The following ACBD6 variants were observed in gnomAD, a reference collection of about 807,000 sequenced individuals.
ACBD6 encodes the protein acyl-CoA-binding domain-containing protein 6.
In ACBD6, 28 loss-of-function variants were observed where a neutral mutation model predicts 37.2. That is an observed-to-expected ratio of 0.75 (90% CI 0.56 to 1.03). The LOEUF (loss-of-function observed/expected upper bound fraction) is 1.03, where lower values mean the gene tolerates loss of function less well. Ranked by LOEUF, ACBD6 falls within the 50% of genes least tolerant of loss-of-function variation. ACBD6 has a pLI of 0.00. For synonymous variants in ACBD6, 113 were observed against 126.8 expected, an observed-to-expected ratio of 0.89 and a Z score of 0.73; for missense variants, 340 against 337.4, an observed-to-expected ratio of 1.01 and a Z score of -0.06.
chr1:180,466,015 G>A (rs576665867), intron 3 of ACBD6, among the ~76,000 whole-genome samples: 7 of 152,014 alleles, frequency 4.6e-5, no homozygotes, highest in Admixed American at 3.9e-4. Context: ...AGGGGGGAGG[G>A]TGGGAGCAGA....
At chr1:180,333,009 T>C (rs2149301438) in intron 6 of ACBD6, among the ~76,000 whole-genome samples, 1 of 152,326 alleles carries the variant, frequency 6.6e-6, no homozygotes, top group East Asian at 1.9e-4. Flanking sequence ...CCCTTTATAG[T>C]AACTCTTTGG....
chr1:180,354,315 A>C (rs1652537769), intron 6 of ACBD6, among the ~76,000 whole-genome samples: 1 of 152,242 alleles, frequency 6.6e-6, no homozygotes, highest in Non-Finnish European at 1.5e-5. Flanking sequence ...CCCTGAAGCT[A>C]CAATGTCAGT....
At chr1:180,445,386 T>A (rs572465443) in intron 3 of ACBD6, among the ~76,000 whole-genome samples, 1 of 152,182 alleles carries the variant, frequency 6.6e-6, no homozygotes, top group South Asian at 2.1e-4. Context: ...TACTTCGTTA[T>A]AAGAAAAAGA....
At chr1:180,288,215 G>T (rs1383985997), downstream of ACBD6, 4 of 1,091,782 alleles carry the variant, frequency 3.7e-6, no homozygotes, top group Non-Finnish European at 4.0e-6. Context: ...AGAATGAATT[G>T]CTGAGACTTC....
chr1:180,492,091 G>A (rs924675790), intron 3 of ACBD6, among the ~76,000 whole-genome samples, 178 bp downstream of exon 3: 3 of 152,148 alleles, frequency 2.0e-5, no homozygotes, highest in African/African-American at 7.2e-5. Flanking sequence ...TTACAGGTAT[G>A]AGCCACCACA....
intron 7 of ACBD6, among the ~76,000 whole-genome samples, chr1:180,289,150 C>A (rs1033773745): frequency 1.3e-5 from 2 of 151,896 alleles, no homozygotes; most frequent in East Asian, 3.9e-4. Context: ...TATGGTATTG[C>A]CCCAAAATGG....
chr1:180,480,807 G>GCC (rs1651003392), intron 3 of ACBD6, among the ~76,000 whole-genome samples: 2 of 152,142 alleles, frequency 1.3e-5, no homozygotes, highest in Non-Finnish European at 2.9e-5. Context: ...GAGGTGGGTG[G>GCC]ATGACTTGAG....
chr1:180,477,251 AG>A (rs1318725860), intron 3 of ACBD6, among the ~76,000 whole-genome samples: 1 of 152,182 alleles, frequency 6.6e-6, no homozygotes, highest in Non-Finnish European at 1.5e-5. Context: ...CGTTGACCTC[AG>A]GTGACTGAAA....
intron 6 of ACBD6, among the ~76,000 whole-genome samples, chr1:180,393,438 T>TTGATG (rs1464405260): frequency 6.6e-6 from 1 of 152,226 alleles, no homozygotes; most frequent in Non-Finnish European, 1.5e-5. Context: ...AGATAGCTGA[T>TTGATG]AACATCAGAC....
chr1:180,286,913 T>C (rs953373506), downstream of ACBD6: 3 of 152,214 alleles, frequency 2.0e-5, no homozygotes, highest in Non-Finnish European at 4.4e-5. Context: ...CTAAGCAAGT[T>C]TATTACTCAT....
intron 3 of ACBD6, among the ~76,000 whole-genome samples, chr1:180,439,974 T>C (rs898860758): frequency 6.6e-6 from 1 of 152,222 alleles, no homozygotes; most frequent in African/African-American, 2.4e-5. Flanking sequence ...TCCAGGACTC[T>C]TCATTCCTTT....
chr1:180,398,088 CAACAAT>C (rs1328262879), intron 5 of ACBD6, among the ~76,000 whole-genome samples: 7 of 151,712 alleles, frequency 4.6e-5, no homozygotes, highest in Admixed American at 2.0e-4. Context: ...ACAACAACAA[CAACAAT>C]GAAAACAATC....
In ACBD6 at chr1:180,502,055, C is replaced by T. The variant is rs768477570; in HGVS notation, c.212G>A (p.Arg71Lys). 2 of 1,613,542 alleles carry T rather than the reference C, an allele frequency of 1.2e-6. No individual in the cohort carries two copies. The highest frequency in any genetic ancestry group is 1.7e-5 in the Admixed American group (1 of 59,970). ...TCCCTGCTACTTTACCTGTTTGTAC[C>T]TGGCATACAGGTACAAGAGCTGCTC... ...SREQLLYLYA[R>K]YKQVKVGNCN... Residue 71 changes from arginine (R) to lysine (K), a missense_variant, in exon 1 of 8, where the codon AGG becomes AAG. By Grantham distance (26) the Arg-to-Lys change is conservative. Coordinates refer to ENST00000367595, the MANE Select transcript of ACBD6 (RefSeq NM_032360.4).
intron 4 of ACBD6, among the ~76,000 whole-genome samples, chr1:180,414,224 C>T (rs905690796): frequency 1.3e-5 from 2 of 152,196 alleles, no homozygotes; most frequent in African/African-American, 4.8e-5. Flanking sequence ...TCAAAAGAAT[C>T]AGTGACTCCC....
At chr1:180,402,746 G>A (rs745745490) in intron 5 of ACBD6, among the ~76,000 whole-genome samples, 1 of 151,478 alleles carries the variant, frequency 6.6e-6, no homozygotes, top group Non-Finnish European at 1.5e-5. Context: ...GCAGTGAGCC[G>A]TGATCGACGT....
intron 6 of ACBD6, among the ~76,000 whole-genome samples, chr1:180,395,453 C>T (rs774476650): frequency 6.6e-6 from 1 of 152,084 alleles, no homozygotes; most frequent in Non-Finnish European, 1.5e-5. Context: ...TATGGTAACA[C>T]CAGTGTTGTG....
chr1:180,318,002 C>A (rs1221427280), intron 6 of ACBD6, among the ~76,000 whole-genome samples: 1 of 152,030 alleles, frequency 6.6e-6, no homozygotes, highest in South Asian at 2.1e-4. Flanking sequence ...CATGATGAAA[C>A]CTTGTCTCTA....
chr1:180,408,976 G>A (rs1647739927), intron 5 of ACBD6, among the ~76,000 whole-genome samples: 1 of 151,966 alleles, frequency 6.6e-6, no homozygotes, highest in African/African-American at 2.4e-5. Context: ...GGCCAACATG[G>A]TGAAACCCCA....
intron 11 of ACBD6, chr1:180,273,602 T>C: frequency 6.5e-6 from 1 of 152,696 alleles, no homozygotes; most frequent in Non-Finnish European, 1.5e-5. Context: ...TCATTTGCCT[T>C]AATCAAGTCA....
Sources: allele counts gnomAD v4.1 joint callset (sites outside exome capture counted in the v4.1 genomes callset), GRCh38; gene constraint gnomAD v4.1.1; transcripts MANE v1.5; gene names NCBI Gene and HGNC (gene_info 2026-07-23, HGNC 2026-07-21).